Variants in ARID3B observed in about 807,000 individuals in gnomAD.
ARID3B encodes AT-rich interactive domain-containing protein 3B.
Under a neutral mutation model 51.9 loss-of-function variants are expected in ARID3B, and 10 were observed. The observed-to-expected ratio is 0.19, with a 90% CI of 0.12 to 0.33. ARID3B has a LOEUF of 0.33. ARID3B is among the 10% of genes least tolerant of loss of function. The pLI is 1.00. For synonymous variants in ARID3B, 205 were observed against 279.5 expected (o/e 0.73, Z 2.66); for missense variants, 483 against 716.3 (o/e 0.67, Z 3.72).
At chr15:74,562,392 C>T (rs974794603) in intron 2 of ARID3B, among the ~76,000 whole-genome samples, 6 of 152,220 alleles carry the variant, frequency 3.9e-5, no homozygotes, top group African/African-American at 9.7e-5. Flanking sequence ...CCGCCCACCT[C>T]GGCCTCCCAA....
intron 2 of ARID3B, among the ~76,000 whole-genome samples, chr15:74,570,986 T>A (rs1453173021): frequency 6.6e-6 from 1 of 152,132 alleles, no homozygotes; most frequent in African/African-American, 2.4e-5. Flanking sequence ...AGATGATGAG[T>A]GCATGGTCAG....
chr15:74,560,898 T>G (rs945667871), intron 2 of ARID3B, among the ~76,000 whole-genome samples: 3 of 152,234 alleles, frequency 2.0e-5, no homozygotes, highest in African/African-American at 7.2e-5. Context: ...TTAATTACCC[T>G]CAAAGATATT....
chr15:74,547,584 A>G (rs577268518), intron 2 of ARID3B, among the ~76,000 whole-genome samples: 1 of 152,322 alleles, frequency 6.6e-6, no homozygotes, highest in Non-Finnish European at 1.5e-5. Context: ...GCTGTATGAA[A>G]CAAGGCATGT....
chr15:74,561,291 G>T (rs866650326), intron 2 of ARID3B, among the ~76,000 whole-genome samples: 11 of 152,192 alleles, frequency 7.2e-5, no homozygotes, highest in African/African-American at 2.7e-4. Context: ...TAGAATGAAT[G>T]AGAAGGATGA....
Position 74,573,025 on chromosome 15 carries a change from G to A in ARID3B, c.624+92G>A. ...CAAGAAATAAGGACCAAGGTAGCCA[G>A]TGAGTTGCATTTGTAGTGATTCAGA... On this transcript the variant is annotated intron_variant, in intron 3 of 8. Transcript: ENST00000346246. 3.2e-6 allele frequency: 5 copies of A among 1,586,420 alleles called. No homozygotes were observed. In the Admixed American group the frequency reaches 8.3e-5, roughly 26 times the overall value.
intron 2 of ARID3B, among the ~76,000 whole-genome samples, chr15:74,554,229 G>A (rs757531157): frequency 1.3e-4 from 19 of 151,810 alleles, no homozygotes; most frequent in Non-Finnish European, 2.6e-4. Context: ...GGCTGGTCTC[G>A]ATCTCCTGAC....
intron 4 of ARID3B, among the ~76,000 whole-genome samples, chr15:74,582,170 CT>C (rs747904327): frequency 3.2e-3 from 464 of 143,758 alleles, no homozygotes; most frequent in South Asian, 3.5e-3. Context: ...TAGCCATAAT[CT>C]TTTTTTTTTT....
intron 2 of ARID3B, among the ~76,000 whole-genome samples, chr15:74,556,973 C>T (rs1445932288): frequency 6.6e-6 from 1 of 151,742 alleles, no homozygotes; most frequent in Non-Finnish European, 1.5e-5. Context: ...GACAGGGTTT[C>T]ACCATATTGG....
intron 2 of ARID3B, among the ~76,000 whole-genome samples, chr15:74,556,722 A>G (rs1398063689): frequency 1.4e-5 from 2 of 143,032 alleles, no homozygotes; most frequent in African/African-American, 5.2e-5. Context: ...ACTTGATCCT[A>G]CTCATTCCCT....
At chr15:74,559,485 CT>C (rs2030378598) in intron 2 of ARID3B, among the ~76,000 whole-genome samples, 1 of 152,034 alleles carries the variant, frequency 6.6e-6, no homozygotes, top group South Asian at 2.1e-4. Flanking sequence ...TGCCAAGTAC[CT>C]TATTTCATTT....
rs1037022049 is a variant in ARID3B at position 74,596,709 on chromosome 15, C to A, written c.*935C>A. ...TGCCGATGTCAGGTTCATTGAAATACCTCAGATTTGTAATTGTTGATGTTT... is the reference window on the plus strand; with the variant it reads ...TGCCGATGTCAGGTTCATTGAAATAACTCAGATTTGTAATTGTTGATGTTT... On this transcript the variant is annotated 3_prime_UTR_variant, in exon 9 of 9. Transcript: ENST00000346246. 2 of 233,572 alleles carry A rather than the reference C, an allele frequency of 8.6e-6. No homozygotes were observed. Among genetic ancestry groups the A allele is most frequent in the Non-Finnish European group, 1.7e-5 (2 of 118,028 alleles). 14.5% of individuals were successfully genotyped at this position (233,572 alleles called of 1,614,324 possible).
rs375582258 is a variant in ARID3B at position 74,589,771 on chromosome 15, C to A, written c.698-49C>A. ...TGGGCATACACGGAATCTTTCTTCT[C>A]AGCCTGATGATGATCCCGCTGTCTC... On this transcript the variant is annotated intron_variant, in intron 4 of 8. Coordinates refer to ENST00000346246, the MANE Select transcript of ARID3B (RefSeq NM_006465.4). 3.4e-5 allele frequency: 53 copies of A among 1,543,490 alleles called. No individual in the cohort carries two copies. The African/African-American group carries it at 6.6e-4, about 19-fold the overall frequency.
chr15:74,563,267 A>G (rs1047956583), intron 2 of ARID3B, among the ~76,000 whole-genome samples: 1 of 152,138 alleles, frequency 6.6e-6, no homozygotes, highest in African/African-American at 2.4e-5. Flanking sequence ...GCACCCCAGG[A>G]TGGGGGTGTG....
chr15:74,579,858 TGTGTGTGTGTGTGTGCGC>T (rs1406556932), intron 4 of ARID3B, among the ~76,000 whole-genome samples: 27 of 145,106 alleles, frequency 1.9e-4, no homozygotes, highest in African/African-American at 5.4e-4. Flanking sequence ...TGTGTGTGTG[TGTGTGTGTGTGTGTGCGC>T]GCGCGCGCAC....
chr15:74,590,801 C>T (rs1022158041), intron 5 of ARID3B, among the ~76,000 whole-genome samples: 11 of 152,270 alleles, frequency 7.2e-5, no homozygotes, highest in Admixed American at 5.9e-4. Context: ...TCTGACTAGC[C>T]CAGCTCTGAA....
chr15:74,584,179 G>A (rs1313082058), intron 4 of ARID3B, among the ~76,000 whole-genome samples: 1 of 152,126 alleles, frequency 6.6e-6, no homozygotes, highest in East Asian at 1.9e-4. Context: ...TAGTTTTTCA[G>A]CCCTTGTCCC....
At chr15:74,595,500 C>A in intron 8 of ARID3B, 111 bp from the exon 9 acceptor site, 1 of 1,243,554 alleles carries the variant, frequency 8.0e-7, no homozygotes, top group Non-Finnish European at 1.1e-6. Context: ...AGCACAGTGT[C>A]TACAGCGGAG....
At chr15:74,576,034 C>A (rs561620443) in intron 4 of ARID3B, among the ~76,000 whole-genome samples, 1 of 152,272 alleles carries the variant, frequency 6.6e-6, no homozygotes, top group African/African-American at 2.4e-5. Flanking sequence ...GTAGCTGGGA[C>A]TATAGGTAGG....
intron 4 of ARID3B, among the ~76,000 whole-genome samples, chr15:74,575,176 C>A (rs992919887): frequency 2.0e-5 from 3 of 152,112 alleles, no homozygotes; most frequent in African/African-American, 7.2e-5. Context: ...GGAGCTGATC[C>A]TGTCTCAAAG....
Sources: gnomAD v4.1 joint callset for allele counts (sites outside exome capture counted in the v4.1 genomes callset) on GRCh38, gnomAD v4.1.1 for gene constraint, MANE v1.5 for transcripts, NCBI Gene and HGNC (gene_info 2026-07-23, HGNC 2026-07-21) for gene names.